The following TUBGCP3 variants were observed in gnomAD, a reference collection of about 807,000 sequenced individuals.
The protein encoded by TUBGCP3 is gamma-tubulin complex component 3.
A neutral mutation model predicts 123.1 loss-of-function variants in TUBGCP3; 50 were observed. The observed-to-expected ratio is 0.41, with a 90% CI of 0.32 to 0.51. TUBGCP3 has a LOEUF of 0.51. Ranked by LOEUF, TUBGCP3 falls within the 20% of genes least tolerant of loss-of-function variation. The probability of loss-of-function intolerance (pLI) is 0.36; values close to 1 mark genes in which losing one functional copy is unlikely to be tolerated. For missense variants in TUBGCP3, 882 were observed against 1,127.0 expected (o/e 0.78, Z 3.11); for synonymous variants, 405 against 413.9 (o/e 0.98, Z 0.26).
chr13:112,506,838 T>C (rs1881339494), intron 17 of TUBGCP3, among the ~76,000 whole-genome samples: 1 of 152,196 alleles, frequency 6.6e-6, no homozygotes, highest in East Asian at 1.9e-4. Context: ...TGTTCAGCCG[T>C]GTTATGGTTT....
intron 11 of TUBGCP3, among the ~76,000 whole-genome samples, chr13:112,541,359 T>C (rs1298710773): frequency 6.6e-6 from 1 of 151,910 alleles, no homozygotes; most frequent in Non-Finnish European, 1.5e-5. Context: ...CTGGCCAACA[T>C]GGTGAAATCC....
At chr13:112,599,612 T>G in the TUBGCP3 span, among the ~76,000 whole-genome samples, 1 of 152,194 alleles carries the variant, frequency 6.6e-6, no homozygotes, top group Non-Finnish European at 1.5e-5. Flanking sequence ...GTTCAAGAGA[T>G]TCTCCTACCT....
chr13:112,563,505 T>G (rs1388670654), intron 3 of TUBGCP3, among the ~76,000 whole-genome samples: 2 of 152,058 alleles, frequency 1.3e-5, no homozygotes, highest in Admixed American at 6.6e-5. Context: ...AAGACATTGA[T>G]ATTTAGGAAT....
intron 20 of TUBGCP3, among the ~76,000 whole-genome samples, chr13:112,493,112 G>C (rs1421152146): frequency 6.7e-6 from 1 of 148,356 alleles, no homozygotes; most frequent in Non-Finnish European, 1.5e-5. Context: ...TGGTGTGCCT[G>C]AGACACTCTG....
At chr13:112,532,619 C>A (rs1341644579) in intron 11 of TUBGCP3, among the ~76,000 whole-genome samples, 4 of 152,176 alleles carry the variant, frequency 2.6e-5, no homozygotes, top group Non-Finnish European at 1.5e-5. Flanking sequence ...GCCAGGTTAG[C>A]TACAGAAAGG....
At chr13:112,504,493 A>G in intron 18 of TUBGCP3, 133 bp downstream of exon 18, 1 of 633,702 alleles carries the variant, frequency 1.6e-6, no homozygotes. Flanking sequence ...CTCAAAAAAA[A>G]AAAAAAAGAA....
chr13:112,500,759 T>C (rs1362044718), intron 19 of TUBGCP3, among the ~76,000 whole-genome samples: 2 of 152,226 alleles, frequency 1.3e-5, no homozygotes, highest in Non-Finnish European at 2.9e-5. Context: ...AACACAACTT[T>C]ACAGTTAATG....
intron 17 of TUBGCP3, among the ~76,000 whole-genome samples, chr13:112,513,500 C>T (rs1881811658): frequency 6.6e-6 from 1 of 152,216 alleles, no homozygotes; most frequent in Non-Finnish European, 1.5e-5. Context: ...ATTGCTAAAA[C>T]ACTAGGGTGA....
intron 3 of TUBGCP3, among the ~76,000 whole-genome samples, chr13:112,562,974 C>CA (rs1478336324): frequency 6.6e-6 from 1 of 152,224 alleles, no homozygotes; most frequent in African/African-American, 2.4e-5. Flanking sequence ...ACAGCACCTG[C>CA]ACGCTGTTCC....
chr13:112,584,613 CAT>C (rs1406185199), intron 1 of TUBGCP3, among the ~76,000 whole-genome samples: 1 of 152,212 alleles, frequency 6.6e-6, no homozygotes, highest in South Asian at 2.1e-4. Context: ...GTAGGACACT[CAT>C]AGAGGTCTTG....
chr13:112,549,606 C>T (rs546363052), intron 8 of TUBGCP3, among the ~76,000 whole-genome samples: 17 of 152,050 alleles, frequency 1.1e-4, no homozygotes, highest in African/African-American at 1.9e-4. Flanking sequence ...CAGCTCAATG[C>T]CAATCCTCCT....
chr13:112,593,071 T>C (rs1375875459), upstream of TUBGCP3, among the ~76,000 whole-genome samples: 1 of 152,146 alleles, frequency 6.6e-6, no homozygotes, highest in African/African-American at 2.4e-5. Context: ...GCACCAGGAA[T>C]CTAGAAAAGG....
At chr13:112,486,730 C>T (rs1267152887) in intron 21 of TUBGCP3, among the ~76,000 whole-genome samples, 1 of 152,208 alleles carries the variant, frequency 6.6e-6, no homozygotes, top group Non-Finnish European at 1.5e-5. Context: ...TCTGATAAGA[C>T]GAAAGGACTG....
chr13:112,515,405 A>G (rs1297002393), intron 17 of TUBGCP3, among the ~76,000 whole-genome samples: 1 of 152,206 alleles, frequency 6.6e-6, no homozygotes, highest in East Asian at 1.9e-4. Context: ...CACAGGGGGA[A>G]GGAGAAGTGC....
chr13:112,598,477 C>G, the TUBGCP3 span, among the ~76,000 whole-genome samples: 1 of 152,006 alleles, frequency 6.6e-6, no homozygotes, highest in Non-Finnish European at 1.5e-5. Flanking sequence ...AAAAATAACT[C>G]ACCAATAAAG....
chr13:112,489,724 A>G, intron 20 of TUBGCP3, 27 bp from the exon 21 acceptor site: 2 of 1,579,986 alleles, frequency 1.3e-6, no homozygotes, highest in East Asian at 2.2e-5. Context: ...ACCAAATGTC[A>G]GTAAAATCAC....
At chr13:112,555,998 G>A (rs1400140407) in intron 6 of TUBGCP3, 54 bp downstream of exon 6, 3 of 1,551,534 alleles carry the variant, frequency 1.9e-6, no homozygotes, top group Admixed American at 1.8e-5. Context: ...AATAAGGAGA[G>A]GCTGAATTCC....
chr13:112,528,523 T>C lies in TUBGCP3; in HGVS notation c.1336-1039A>G, dbSNP rs186931800. Among the ~76,000 whole-genome samples the C allele has an allele frequency of 8.5e-5, 13 of 152,378 alleles. No individual in the cohort carries two copies. In the East Asian group the frequency reaches 2.5e-3, roughly 29 times the overall value. On this transcript the variant is annotated intron_variant, in intron 11 of 21. Transcript: ENST00000261965. ...CCATTTGCTTTTCTTCTCCTGTGAATGGTCTTTTCATGCCCTTGACCCATC... is the reference window on the plus strand; with the variant it reads ...CCATTTGCTTTTCTTCTCCTGTGAACGGTCTTTTCATGCCCTTGACCCATC...
chr13:112,555,378 T>C (rs1879940197), intron 6 of TUBGCP3, among the ~76,000 whole-genome samples: 1 of 152,214 alleles, frequency 6.6e-6, no homozygotes, highest in Non-Finnish European at 1.5e-5. Context: ...CTTTGCATTC[T>C]ACGCAAGGAC....
Sources: allele counts gnomAD v4.1 joint callset (sites outside exome capture counted in the v4.1 genomes callset), GRCh38; gene constraint gnomAD v4.1.1; transcripts MANE v1.5; gene names NCBI Gene and HGNC (gene_info 2026-07-23, HGNC 2026-07-21).